ZDHHC21: variants seen among roughly 807,000 people sequenced by gnomAD.
ZDHHC21 encodes the protein palmitoyltransferase ZDHHC21.
In ZDHHC21, 15 loss-of-function variants were observed where a neutral mutation model predicts 34.6. That is an observed-to-expected ratio of 0.43 (90% CI 0.29 to 0.67). ZDHHC21 has a LOEUF of 0.67. ZDHHC21 is among the 30% of genes least tolerant of loss of function. ZDHHC21 has a pLI of 0.14. For synonymous variants in ZDHHC21, 142 were observed against 101.8 expected (o/e 1.40, Z -2.38); for missense variants, 344 against 327.7 (o/e 1.05, Z -0.38).
chr9:14,638,154 T>C (rs1486677591), intron 8 of ZDHHC21, among the ~76,000 whole-genome samples: 3 of 152,176 alleles, frequency 2.0e-5, no homozygotes, highest in Admixed American at 1.3e-4. Flanking sequence ...CAAAATAGCA[T>C]AGTATCTGTA....
chr9:14,684,296 G>C (rs1440552629), intron 2 of ZDHHC21, among the ~76,000 whole-genome samples: 1 of 151,854 alleles, frequency 6.6e-6, no homozygotes, highest in East Asian at 1.9e-4. Flanking sequence ...TGTGTATTTA[G>C]AAAACCCCAT....
At chr9:14,641,023 G>T (rs1294541636) in intron 7 of ZDHHC21, among the ~76,000 whole-genome samples, 1 of 152,118 alleles carries the variant, frequency 6.6e-6, no homozygotes, top group Non-Finnish European at 1.5e-5. Flanking sequence ...GCACCAAGTG[G>T]ATGGAAAGGA....
At position 14,639,917 on chromosome 9, in the gene ZDHHC21, A is replaced by T. The variant is rs1464032537; in HGVS notation, c.600T>A (p.Thr200=). The T allele has an allele frequency of 6.3e-7, 1 of 1,591,338 alleles. No homozygotes were observed. Among genetic ancestry groups the T allele is most frequent in the Admixed American group, 1.7e-5 (1 of 58,410 alleles). Residue 200 remains threonine (T), a synonymous_variant, in exon 8 of 10, where the codon ACT becomes ACA. Transcript: ENST00000380916. The part of the protein sequence containing the change: ...MLVGITGLFY[T]QLIGIITDTT... ...TTACTGTGATGATGCCAATTAGTTG[A>T]GTGTAAAAGAGTCCAGTTATTCCAA...
At chr9:14,644,792 T>TTATACA (rs1554766499) in intron 7 of ZDHHC21, among the ~76,000 whole-genome samples, 2 of 150,890 alleles carry the variant, frequency 1.3e-5, no homozygotes, top group African/African-American at 4.9e-5. Flanking sequence ...TGGTGGGAGT[T>TTATACA]TATATATATA....
Position 14,611,891 on chromosome 9 carries a change from T to C in ZDHHC21, c.*7075A>G, listed in dbSNP as rs900174375. On this transcript the variant is annotated 3_prime_UTR_variant, in exon 10 of 10. Coordinates refer to ENST00000380916, the MANE Select transcript of ZDHHC21 (RefSeq NM_178566.6). ...TTTAGTTGCTTTATTCTTACATATA[T>C]GAAGTAGAATTTTTTTTCTTTTATA... 3.3e-5 allele frequency: 5 copies of C among 152,058 alleles called. No individual in the cohort carries two copies. The highest frequency in any genetic ancestry group is 2.6e-4 in the Admixed American group (4 of 15,224). The allele number at this position is 152,058 out of a possible 1,614,324, so 9.4% of individuals were successfully genotyped here.
chr9:14,639,254 G>C (rs1249603012), intron 8 of ZDHHC21, among the ~76,000 whole-genome samples: 1 of 152,002 alleles, frequency 6.6e-6, no homozygotes, highest in Admixed American at 6.6e-5. Flanking sequence ...AAACAAACCA[G>C]GCACAGAAAG....
chr9:14,594,596 G>A, the ZDHHC21 span, among the ~76,000 whole-genome samples: 89,340 of 151,820 alleles, frequency 0.59, 26,752 homozygotes, highest in African/African-American at 0.68. Flanking sequence ...GTAAAACCTA[G>A]AACTATGAAA....
chr9:14,678,750 T>C (rs2131583460), intron 3 of ZDHHC21, among the ~76,000 whole-genome samples: 1 of 152,218 alleles, frequency 6.6e-6, no homozygotes, highest in Middle Eastern at 3.4e-3. Context: ...CACAAAAATA[T>C]GGCACAATCT....
At chr9:14,630,566 G>C (rs1332630927) in intron 8 of ZDHHC21, among the ~76,000 whole-genome samples, 1 of 152,096 alleles carries the variant, frequency 6.6e-6, no homozygotes, top group Admixed American at 6.5e-5. Flanking sequence ...ATCTAAAATG[G>C]TAAATCTTTT....
the ZDHHC21 span, among the ~76,000 whole-genome samples, chr9:14,591,354 G>C: frequency 6.6e-6 from 1 of 152,086 alleles, no homozygotes; most frequent in African/African-American, 2.4e-5. Flanking sequence ...GATTGAGGGA[G>C]TAAATTTGGT....
At chr9:14,591,513 AT>A in the ZDHHC21 span, among the ~76,000 whole-genome samples, 1 of 152,192 alleles carries the variant, frequency 6.6e-6, no homozygotes. Context: ...AGTCGCAGGT[AT>A]TTTGTGATAG....
At chr9:14,673,574 G>T (rs551188666) in intron 4 of ZDHHC21, among the ~76,000 whole-genome samples, 122 of 150,316 alleles carry the variant, frequency 8.1e-4, no homozygotes, top group African/African-American at 2.7e-3. Context: ...TAGTCTGAGT[G>T]CTCAATCCAG....
At chr9:14,610,278 A>G (rs542609759), downstream of ZDHHC21, among the ~76,000 whole-genome samples, 4 of 151,966 alleles carry the variant, frequency 2.6e-5, no homozygotes, top group Non-Finnish European at 5.9e-5. Context: ...TATCATCACT[A>G]AGAAAATATT....
At chr9:14,652,321 A>G (rs755321517) in intron 7 of ZDHHC21, among the ~76,000 whole-genome samples, 2 of 151,898 alleles carry the variant, frequency 1.3e-5, no homozygotes, top group Admixed American at 6.6e-5. Context: ...ATATAAATCA[A>G]TATCTATAGC....
the ZDHHC21 span, among the ~76,000 whole-genome samples, chr9:14,601,974 C>A: frequency 6.6e-6 from 1 of 151,840 alleles, no homozygotes; most frequent in African/African-American, 2.4e-5. Context: ...CGGAGGGGAA[C>A]ATCACACACC....
At chr9:14,688,014 T>C (rs984031795) in intron 2 of ZDHHC21, among the ~76,000 whole-genome samples, 3 of 151,006 alleles carry the variant, frequency 2.0e-5, no homozygotes, top group South Asian at 2.1e-4. Flanking sequence ...ATTAGTCAAG[T>C]GTGGCAGTTA....
intron 5 of ZDHHC21, among the ~76,000 whole-genome samples, chr9:14,663,978 G>A (rs1436923093): frequency 2.6e-5 from 4 of 152,108 alleles, no homozygotes. Flanking sequence ...ACATCCCAGT[G>A]TTAAAACTTT....
intron 8 of ZDHHC21, among the ~76,000 whole-genome samples, chr9:14,638,164 A>G (rs73407620): frequency 0.021 from 3,162 of 152,228 alleles, 112 homozygotes; most frequent in African/African-American, 0.071. Flanking sequence ...TAGTATCTGT[A>G]TAAAAGCAGA....
intron 8 of ZDHHC21, among the ~76,000 whole-genome samples, chr9:14,633,327 A>G (rs1358490933): frequency 6.6e-6 from 1 of 152,176 alleles, no homozygotes; most frequent in Non-Finnish European, 1.5e-5. Context: ...GAGGCTCCCC[A>G]GTGCAGGAAA....
Sources: gnomAD v4.1 joint callset for allele counts (sites outside exome capture counted in the v4.1 genomes callset) on GRCh38, gnomAD v4.1.1 for gene constraint, MANE v1.5 for transcripts, NCBI Gene and HGNC (gene_info 2026-07-23, HGNC 2026-07-21) for gene names.